The following CNBD1 variants were observed in gnomAD, a reference collection of about 807,000 sequenced individuals.
The protein encoded by CNBD1 is cyclic nucleotide-binding domain-containing protein 1.
In CNBD1, 71 loss-of-function variants were observed where a neutral mutation model predicts 54.4. That is an observed-to-expected ratio of 1.30 (90% CI 1.08 to 1.59). CNBD1 has a LOEUF of 1.59. CNBD1 is among the 40% of genes most tolerant of loss of function. The pLI is 0.00. For missense variants in CNBD1, 659 were observed against 518.0 expected (o/e 1.27, Z -2.64); for synonymous variants, 182 against 170.7 (o/e 1.07, Z -0.51).
Position 87,092,419 on chromosome 8 carries a change from A to G in CNBD1, c.432-113574A>G, listed in dbSNP as rs551824135. Among the ~76,000 whole-genome samples, 21 of 79,422 alleles carry G rather than the reference A, an allele frequency of 2.6e-4. No individual in the cohort carries two copies. In the South Asian group the frequency reaches 2.9e-3, roughly 11 times the overall value. 52.1% of individuals were successfully genotyped at this position (79,422 alleles called of 152,430 possible). A position where few individuals can be genotyped will look rare whatever the true frequency, so the allele number is the denominator to read the frequency against. ...TGTGTGTGTGTGTATATGTGTGTGT[A>G]TGTATGTATGTATGTGTGTGTGTAT... On this transcript the variant is annotated intron_variant, in intron 4 of 10. Transcript: ENST00000518476.
chr8:86,905,913 AACCTCCT>A (rs1809010201), intron 3 of CNBD1, among the ~76,000 whole-genome samples: 1 of 152,170 alleles, frequency 6.6e-6, no homozygotes, highest in Admixed American at 6.5e-5. Flanking sequence ...TGGATATGGA[AACCTCCT>A]ACTCCATACT....
At chr8:87,152,952 A>C (rs1812638092) in intron 4 of CNBD1, among the ~76,000 whole-genome samples, 1 of 152,140 alleles carries the variant, frequency 6.6e-6, no homozygotes, top group South Asian at 2.1e-4. Flanking sequence ...ATTTCCAGTA[A>C]ATAAACACTA....
chr8:87,366,827 A>G (rs1030923817), intron 10 of CNBD1, among the ~76,000 whole-genome samples: 2 of 152,082 alleles, frequency 1.3e-5, no homozygotes, highest in African/African-American at 4.8e-5. Context: ...TGGCAAACAA[A>G]TAAGAAAGGA....
intron 1 of CNBD1, among the ~76,000 whole-genome samples, chr8:86,874,408 C>A (rs1238019074): frequency 6.6e-6 from 1 of 152,174 alleles, no homozygotes; most frequent in Non-Finnish European, 1.5e-5. Flanking sequence ...CTCCTTCCAT[C>A]TTATCAGGGG....
At chr8:87,273,612 A>T (rs920304246) in intron 6 of CNBD1, among the ~76,000 whole-genome samples, 7 of 151,976 alleles carry the variant, frequency 4.6e-5, no homozygotes, top group Middle Eastern at 3.2e-3. Flanking sequence ...TGTGACACTT[A>T]TCCCAGTAAC....
At chr8:87,161,017 T>TATC (rs1261583815) in intron 4 of CNBD1, among the ~76,000 whole-genome samples, 4 of 152,060 alleles carry the variant, frequency 2.6e-5, no homozygotes, top group East Asian at 1.9e-4. Context: ...TCTTCATTGT[T>TATC]ATCATCATCA....
intron 4 of CNBD1, among the ~76,000 whole-genome samples, chr8:87,071,270 A>T (rs1810753925): frequency 6.6e-6 from 1 of 152,262 alleles, no homozygotes; most frequent in East Asian, 1.9e-4. Context: ...TCAAATATTT[A>T]TAGTATTTTT....
At chr8:87,187,981 C>G (rs1226898975) in intron 4 of CNBD1, among the ~76,000 whole-genome samples, 1 of 152,112 alleles carries the variant, frequency 6.6e-6, no homozygotes, top group Non-Finnish European at 1.5e-5. Flanking sequence ...GGATTTTGCC[C>G]TGCCTATCAT....
intron 6 of CNBD1, among the ~76,000 whole-genome samples, chr8:87,282,189 C>T (rs1232996249): frequency 2.6e-5 from 4 of 151,096 alleles, no homozygotes; most frequent in African/African-American, 9.7e-5. Flanking sequence ...ATTTTTCTTT[C>T]CTAGCCCAAG....
chr8:86,969,911 C>T (rs1342713598), intron 4 of CNBD1, among the ~76,000 whole-genome samples: 1 of 151,596 alleles, frequency 6.6e-6, no homozygotes, highest in Non-Finnish European at 1.5e-5. Context: ...TAGATTTACT[C>T]CTATTTTTAA....
chr8:87,406,477 CA>C (rs1401827024), intron 2 of CNBD1, among the ~76,000 whole-genome samples: 166 of 99,934 alleles, frequency 1.7e-3, no homozygotes, highest in Middle Eastern at 4.6e-3. Context: ...CACACACACA[CA>C]CTTTTTTTTT....
chr8:87,016,973 T>C (rs915649177), intron 4 of CNBD1, among the ~76,000 whole-genome samples: 1 of 152,152 alleles, frequency 6.6e-6, no homozygotes, highest in African/African-American at 2.4e-5. Flanking sequence ...ACCCACGTCA[T>C]GGTAAATGTG....
chr8:87,263,189 T>A (rs1260033250), intron 6 of CNBD1, among the ~76,000 whole-genome samples: 2 of 152,220 alleles, frequency 1.3e-5, no homozygotes, highest in Non-Finnish European at 2.9e-5. Flanking sequence ...TGTTTATATT[T>A]ACTTTAGTGT....
At chr8:86,983,130 C>T (rs1268310398) in intron 4 of CNBD1, among the ~76,000 whole-genome samples, 1 of 152,064 alleles carries the variant, frequency 6.6e-6, no homozygotes, top group Non-Finnish European at 1.5e-5. Flanking sequence ...AGAGGGACCC[C>T]ATGGGGAGGT....
At chr8:86,913,386 A>G (rs1217096390) in intron 3 of CNBD1, among the ~76,000 whole-genome samples, 1 of 151,970 alleles carries the variant, frequency 6.6e-6, no homozygotes, top group Non-Finnish European at 1.5e-5. Context: ...AATACTTACC[A>G]TTGTTATCGG....
At chr8:87,185,480 ACT>A (rs761894292) in intron 4 of CNBD1, among the ~76,000 whole-genome samples, 21 of 152,308 alleles carry the variant, frequency 1.4e-4, no homozygotes, top group South Asian at 8.3e-4. Flanking sequence ...TTGGAAACAC[ACT>A]GATACTTTCA....
chr8:87,093,006 T>G (rs1480574473), intron 4 of CNBD1, among the ~76,000 whole-genome samples: 4 of 152,198 alleles, frequency 2.6e-5, no homozygotes, highest in Non-Finnish European at 5.9e-5. Context: ...CATCACTAAG[T>G]CTTTGGCTTT....
chr8:87,055,847 TCCTC>T (rs1321334179), intron 4 of CNBD1, among the ~76,000 whole-genome samples: 19 of 145,220 alleles, frequency 1.3e-4, no homozygotes, highest in African/African-American at 4.3e-4. Flanking sequence ...TTTCCTTCCT[TCCTC>T]CCTCCCTCCC....
chr8:86,911,015 G>A (rs1412911743), intron 3 of CNBD1, among the ~76,000 whole-genome samples: 3 of 152,158 alleles, frequency 2.0e-5, no homozygotes, highest in Admixed American at 6.5e-5. Flanking sequence ...CATATCCCAC[G>A]AAGAAGCTGG....
Sources: allele counts gnomAD v4.1 joint callset (sites outside exome capture counted in the v4.1 genomes callset), GRCh38; gene constraint gnomAD v4.1.1; transcripts MANE v1.5; gene names NCBI Gene and HGNC (gene_info 2026-07-23, HGNC 2026-07-21).